Variants in CCDC42 observed in about 807,000 individuals in gnomAD.
The protein encoded by CCDC42 is coiled-coil domain-containing protein 42.
In CCDC42, 38 loss-of-function variants were observed where a neutral mutation model predicts 40.8. That is an observed-to-expected ratio of 0.93 (90% CI 0.72 to 1.22). The LOEUF (loss-of-function observed/expected upper bound fraction) is 1.22, where lower values mean the gene tolerates loss of function less well. Among genes scored for constraint, CCDC42 ranks in the 50% most tolerant of loss-of-function variants. CCDC42 has a pLI of 0.00. For synonymous variants in CCDC42, 135 were observed against 157.5 expected, an observed-to-expected ratio of 0.86 and a Z score of 1.07; for missense variants, 379 against 416.5, an observed-to-expected ratio of 0.91 and a Z score of 0.78.
Position 8,735,530 on chromosome 17 carries a change from C to T in CCDC42, c.574G>A (p.Gly192Ser). 1 of 1,614,138 alleles carries T rather than the reference C, an allele frequency of 6.2e-7. No homozygotes were observed. The highest frequency in any genetic ancestry group is 8.5e-7 in the Non-Finnish European group (1 of 1,180,040). ...TTGGCGCGCTCAATCTTCTCCTGGC[C>T]TTCCTGCGCAGACTGCATGAGGTCG... ...RHDLMQSAQEGQEKIERAKAR... is the reference protein window; with the variant it reads ...RHDLMQSAQESQEKIERAKAR... The change falls in exon 5 of 7, where the codon GGC becomes AGC. Residue 192 changes from glycine (G) to serine (S), a missense_variant. By Grantham distance (56) the Gly-to-Ser change is moderately conservative. Transcript: ENST00000293845. The surrounding 1 kb of genome is among the most constrained non-coding windows in gnomAD (Gnocchi z 4.7).
In CCDC42 at chr17:8,735,648, C is replaced by T. The variant is rs1336864899; in HGVS notation, c.493-37G>A. On this transcript the variant is annotated intron_variant, in intron 4 of 6. Coordinates refer to ENST00000293845, the MANE Select transcript of CCDC42 (RefSeq NM_144681.3). The surrounding 1 kb of genome is among the most constrained non-coding windows in gnomAD (Gnocchi z 4.7). ...GGCTCAGGTCAATGCACAGCCAGCC[C>T]CTGGGGCCTGAGGGAGCCACCCAGT... The T allele has an allele frequency of 1.3e-6, 2 of 1,576,074 alleles. No homozygotes were observed. Among genetic ancestry groups the T allele is most frequent in the East Asian group, 4.5e-5 (2 of 44,132 alleles).
intron 6 of CCDC42, among the ~76,000 whole-genome samples, chr17:8,730,755 T>C (rs2086575670): frequency 6.6e-6 from 1 of 152,142 alleles, no homozygotes; most frequent in African/African-American, 2.4e-5. Flanking sequence ...TGGGAACTCC[T>C]GAAGGCAGAC....
chr17:8,736,977 A>G (rs1255616542), intron 4 of CCDC42, among the ~76,000 whole-genome samples: 1 of 148,670 alleles, frequency 6.7e-6, no homozygotes, highest in Middle Eastern at 3.2e-3. Flanking sequence ...AAGAAGAAGA[A>G]AGAGAGAGAG....
chr17:8,744,306 G>A (rs1324397620), intron 1 of CCDC42, 122 bp from the exon 2 acceptor site: 7 of 789,946 alleles, frequency 8.9e-6, no homozygotes, highest in Non-Finnish European at 1.5e-5. Context: ...CTTTCCGAGG[G>A]AAAGGGCTGT....
rs2086658788 is a variant in CCDC42, at chr17:8,743,666, T to C, written c.254A>G (p.Gln85Arg). 6.2e-7 allele frequency: 1 copy of C among 1,613,244 alleles called. No homozygotes were observed. ...RWEELGVKEA[Q>R]LKAHIQKSEQ... ...AGACTTCTGGATGTGAGCCTTCAGT[T>C]GGGCTTCCTTAACGCCCAGTTCCTC... The change falls in exon 3 of 7, where the codon CAA (glutamine) becomes CGA (arginine). Residue 85 changes from glutamine (Q) to arginine (R), a missense_variant. Gln to Arg is a conservative substitution (Grantham distance 43, BLOSUM62 1). Transcript: ENST00000293845.
intron 3 of CCDC42, 113 bp downstream of exon 3, chr17:8,743,513 A>T (rs374410885): frequency 3.8e-4 from 272 of 724,910 alleles, no homozygotes; most frequent in Non-Finnish European, 8.2e-5. Flanking sequence ...AGCACTAAGG[A>T]TGCTTTTTAA....
At chr17:8,740,953 C>T (rs999561270) in intron 4 of CCDC42, among the ~76,000 whole-genome samples, 3 of 152,118 alleles carry the variant, frequency 2.0e-5, no homozygotes, top group South Asian at 2.1e-4. Flanking sequence ...GCACCAACCC[C>T]GGGGCCCAGC....
At chr17:8,742,591 C>A (rs948934441) in intron 3 of CCDC42, among the ~76,000 whole-genome samples, 1 of 152,158 alleles carries the variant, frequency 6.6e-6, no homozygotes, top group South Asian at 2.1e-4. Context: ...CATAGACAGG[C>A]GTATGTGGTG....
rs767501420 is a variant in CCDC42, at chr17:8,741,450, G to A, written c.492+24C>T. 1.1e-4 allele frequency: 183 copies of A among 1,609,418 alleles called. No homozygotes were observed. The African/African-American group carries it at 2.0e-3, about 18-fold the overall frequency. ...TGGGGCTGAGGAAGGTGCCAGGGCC[G>A]GCCCCCCTGCTCCTTGGACTCACCT... On this transcript the variant is annotated intron_variant, in intron 4 of 6. Coordinates refer to ENST00000293845, the MANE Select transcript of CCDC42 (RefSeq NM_144681.3).
chr17:8,732,452 G>C (rs530679040), intron 6 of CCDC42, among the ~76,000 whole-genome samples: 25 of 152,236 alleles, frequency 1.6e-4, no homozygotes, highest in African/African-American at 6.0e-4. Context: ...CTCAACAACT[G>C]TCAGCTGCTG....
At position 8,735,077 on chromosome 17, in the gene CCDC42, G is replaced by T. The variant is rs780324623; in HGVS notation, c.873+19C>A. The stretch of plus-strand genomic sequence containing the variant: ...GCCCAGCCGACCCCACGGGCCCAGT[G>T]CCTGTCCCCTCCTCCTACCATGTCC... On this transcript the variant is annotated intron_variant, in intron 6 of 6. Transcript: ENST00000293845. This position sits in a 1 kb window ranked among gnomAD's most constrained non-coding sequence, Gnocchi z 4.7. 6.2e-6 allele frequency: 10 copies of T among 1,613,704 alleles called. No homozygotes were observed. The African/African-American group carries it at 1.2e-4, about 19-fold the overall frequency.
At chr17:8,739,616 C>G (rs1436614053) in intron 4 of CCDC42, among the ~76,000 whole-genome samples, 2 of 152,324 alleles carry the variant, frequency 1.3e-5, no homozygotes, top group South Asian at 2.1e-4. Context: ...AACCTCGGCT[C>G]ACTGCAACCT....
At chr17:8,740,489 CA>C (rs750740758) in intron 4 of CCDC42, among the ~76,000 whole-genome samples, 17,099 of 58,814 alleles carry the variant, frequency 0.29, 821 homozygotes, top group Middle Eastern at 0.34. Flanking sequence ...AACTCCGTCT[CA>C]AAAAAAAAAA....
At chr17:8,743,907 C>A (rs1174145195) in intron 2 of CCDC42, among the ~76,000 whole-genome samples, 172 bp downstream of exon 2, 1 of 149,214 alleles carries the variant, frequency 6.7e-6, no homozygotes, top group South Asian at 2.1e-4. Context: ...GACAGTGGTA[C>A]CCCCAAGACC....
intron 4 of CCDC42, among the ~76,000 whole-genome samples, chr17:8,740,525 G>C (rs995457213): frequency 2.0e-5 from 3 of 150,424 alleles, no homozygotes; most frequent in African/African-American, 4.9e-5. Flanking sequence ...GAGGATCTGA[G>C]ACAGAGAACC....
chr17:8,737,025 AGAAG>A (rs386795117), intron 4 of CCDC42, among the ~76,000 whole-genome samples: 1,454 of 53,238 alleles, frequency 0.027, 34 homozygotes, highest in African/African-American at 0.066. Flanking sequence ...AAAAAAGAAA[AGAAG>A]AGGGAGGGAG....
intron 4 of CCDC42, among the ~76,000 whole-genome samples, chr17:8,739,468 G>C (rs1311172745): frequency 1.3e-5 from 2 of 152,014 alleles, no homozygotes; most frequent in Non-Finnish European, 2.9e-5. Context: ...AGGAGGGAGA[G>C]ACAGGCCAAT....
In CCDC42 at chr17:8,735,219, G is replaced by C. The variant is rs149831757; in HGVS notation, c.750C>G (p.Ala250=). Residue 250 remains alanine, a synonymous_variant, in exon 6 of 7, where the codon GCC becomes GCG. Coordinates refer to ENST00000293845, the MANE Select transcript of CCDC42 (RefSeq NM_144681.3). This position sits in a 1 kb window ranked among gnomAD's most constrained non-coding sequence, Gnocchi z 4.7. ...TGGTGCCAAGCAGGAGGGTCTTCTT[G>C]GCTGCGGTGTTCTGGATGTGCGCCC... The part of the protein sequence containing the change: ...SRWAHIQNTA[A]KKTLLLGTIK... 2.5e-6 allele frequency: 4 copies of C among 1,614,030 alleles called. No individual in the cohort carries two copies. Among genetic ancestry groups the C allele is most frequent in the Non-Finnish European group, 3.4e-6 (4 of 1,180,028 alleles).
intron 4 of CCDC42, among the ~76,000 whole-genome samples, chr17:8,738,069 T>A (rs1246716190): frequency 6.6e-6 from 1 of 152,114 alleles, no homozygotes; most frequent in African/African-American, 2.4e-5. Context: ...CAAGTGATCC[T>A]CCCACCTCAG....
Sources: allele counts gnomAD v4.1 joint callset (sites outside exome capture counted in the v4.1 genomes callset), GRCh38; gene constraint gnomAD v4.1.1; non-coding constraint Gnocchi (gnomAD v3.1); transcripts MANE v1.5; gene names NCBI Gene and HGNC (gene_info 2026-07-23, HGNC 2026-07-21).